The following SYNPR variants were observed in gnomAD, a reference collection of about 807,000 sequenced individuals.
The protein encoded by SYNPR is synaptoporin.
Under a neutral mutation model 32.9 loss-of-function variants are expected in SYNPR, and 23 were observed. The observed-to-expected ratio is 0.70, with a 90% CI of 0.50 to 0.99. The LOEUF (loss-of-function observed/expected upper bound fraction) is 0.99. SYNPR is among the 50% of genes least tolerant of loss of function. The pLI is 0.00. For synonymous variants in SYNPR, 146 were observed against 135.9 expected (o/e 1.07, Z -0.52); for missense variants, 318 against 349.3 (o/e 0.91, Z 0.71).
chr3:63,502,458 T>C (rs1374041278), intron 3 of SYNPR, among the ~76,000 whole-genome samples: 1 of 152,146 alleles, frequency 6.6e-6, no homozygotes, highest in African/African-American at 2.4e-5. Context: ...GTTCTACGGG[T>C]TTGAGTAAAT....
intron 2 of SYNPR, among the ~76,000 whole-genome samples, chr3:63,402,941 T>C (rs1232562057): frequency 6.6e-6 from 1 of 152,084 alleles, no homozygotes; most frequent in East Asian, 1.9e-4. Flanking sequence ...CTAGAGAAAA[T>C]GTCCTGGAAC....
intron 2 of SYNPR, among the ~76,000 whole-genome samples, chr3:63,465,210 A>G (rs1700653862): frequency 6.6e-6 from 1 of 152,176 alleles, no homozygotes; most frequent in African/African-American, 2.4e-5. Flanking sequence ...TCATTAAAAT[A>G]TAATGAGAAA....
chr3:63,256,384 G>T (rs146725996), intron 2 of SYNPR, among the ~76,000 whole-genome samples: 2,465 of 152,238 alleles, frequency 0.016, 44 homozygotes, highest in African/African-American at 0.046. Flanking sequence ...CCAGAGGAAG[G>T]ATCAGGCAGC....
chr3:63,362,610 G>C (rs1371917124), intron 2 of SYNPR, among the ~76,000 whole-genome samples: 2 of 152,142 alleles, frequency 1.3e-5, no homozygotes, highest in Non-Finnish European at 2.9e-5. Context: ...GACTAACACT[G>C]AATAATTATA....
intron 2 of SYNPR, among the ~76,000 whole-genome samples, chr3:63,382,965 A>G (rs2107071443): frequency 6.7e-6 from 1 of 148,208 alleles, no homozygotes; most frequent in East Asian, 1.9e-4. Context: ...CTCTGTTACT[A>G]CAATCTGCTC....
rs78591949 is a variant in SYNPR, at chr3:63,572,741, G to A, written c.408+16000G>A. Among the ~76,000 whole-genome samples, 748 of 152,254 alleles carry A rather than the reference G, an allele frequency of 4.9e-3. 31 individuals carry two copies. In the East Asian group the frequency reaches 0.085, roughly 17 times the overall value. On this transcript the variant is annotated intron_variant, in intron 4 of 5. Transcript: ENST00000478300. ...TATTAAATCAACCGAAGTCAAAGCCGATTTCACTCCAGGAACTGTATGCAT... is the reference window on the plus strand; with the variant it reads ...TATTAAATCAACCGAAGTCAAAGCCAATTTCACTCCAGGAACTGTATGCAT...
At chr3:63,509,433 A>G (rs1701654206) in intron 3 of SYNPR, among the ~76,000 whole-genome samples, 1 of 151,952 alleles carries the variant, frequency 6.6e-6, no homozygotes, top group South Asian at 2.1e-4. Context: ...TTTCTAAGGA[A>G]GTTCTAATAT....
intron 4 of SYNPR, among the ~76,000 whole-genome samples, chr3:63,586,154 C>T (rs1703180493): frequency 6.6e-6 from 1 of 151,952 alleles, no homozygotes; most frequent in South Asian, 2.1e-4. Context: ...CTGTTGCAGG[C>T]TGACAGATGG....
chr3:63,256,102 T>G (rs2086380243), intron 2 of SYNPR, among the ~76,000 whole-genome samples: 1 of 152,040 alleles, frequency 6.6e-6, no homozygotes, highest in African/African-American at 2.4e-5. Context: ...CCACCGCAGC[T>G]CAAGGAAGCC....
intron 2 of SYNPR, among the ~76,000 whole-genome samples, chr3:63,432,606 C>G (rs1021098393): frequency 1.3e-5 from 2 of 152,208 alleles, no homozygotes; most frequent in African/African-American, 4.8e-5. Context: ...TTAGCCCCTC[C>G]TCTTGTTCTG....
chr3:63,432,952 C>T (rs1170976046), intron 2 of SYNPR, among the ~76,000 whole-genome samples: 4 of 152,190 alleles, frequency 2.6e-5, no homozygotes, highest in Non-Finnish European at 5.9e-5. Flanking sequence ...CTCTACCCTC[C>T]TGGCTTCTGA....
chr3:63,520,343 T>C (rs1275249578), intron 3 of SYNPR, among the ~76,000 whole-genome samples: 2 of 152,136 alleles, frequency 1.3e-5, no homozygotes, highest in Non-Finnish European at 2.9e-5. Context: ...GTATAACTTA[T>C]ACCCCAGCAG....
At chr3:63,261,010 A>T (rs1420405080) in intron 2 of SYNPR, among the ~76,000 whole-genome samples, 2 of 152,234 alleles carry the variant, frequency 1.3e-5, no homozygotes, top group Non-Finnish European at 1.5e-5. Flanking sequence ...TCAAAACCAC[A>T]ATGAGATACC....
intron 2 of SYNPR, among the ~76,000 whole-genome samples, chr3:63,418,774 G>C (rs1044768620): frequency 6.6e-6 from 1 of 152,094 alleles, no homozygotes; most frequent in Non-Finnish European, 1.5e-5. Context: ...CTCCTCCCAT[G>C]ATTCAATTAC....
intron 2 of SYNPR, among the ~76,000 whole-genome samples, chr3:63,298,173 T>A (rs920507094): frequency 2.0e-5 from 3 of 152,170 alleles, no homozygotes; most frequent in Non-Finnish European, 4.4e-5. Context: ...TAAACTAAAT[T>A]CCTCCAATTG....
chr3:63,605,138 T>C (rs1876092), intron 4 of SYNPR, among the ~76,000 whole-genome samples: 104,375 of 152,064 alleles, frequency 0.69, 37,056 homozygotes, highest in African/African-American at 0.88. Flanking sequence ...GCAAATAAAC[T>C]GTTCCAAATT....
chr3:63,249,156 T>C (rs924883675), intron 1 of SYNPR, among the ~76,000 whole-genome samples: 2 of 152,126 alleles, frequency 1.3e-5, no homozygotes, highest in Admixed American at 6.6e-5. Flanking sequence ...TCAGGGAATG[T>C]AAGACGCAAA....
chr3:63,374,679 T>G lies in SYNPR; in HGVS notation c.84+95937T>G, dbSNP rs558124384. ...TCTTCAAATCTTTCAGGGTTTCCAGTTACATACATATGATATTTTGGATAT... is the reference window on the plus strand; with the variant it reads ...TCTTCAAATCTTTCAGGGTTTCCAGGTACATACATATGATATTTTGGATAT... On this transcript the variant is annotated intron_variant, in intron 2 of 5. Coordinates refer to ENST00000478300, the MANE Select transcript of SYNPR (RefSeq NM_001130003.2). Among the ~76,000 whole-genome samples, 95 of 152,364 alleles carry G rather than the reference T, an allele frequency of 6.2e-4. 1 individual carries two copies. The highest frequency in any genetic ancestry group is 2.1e-3 in the African/African-American group (88 of 41,582).
intron 3 of SYNPR, among the ~76,000 whole-genome samples, chr3:63,528,103 A>G (rs1384895179): frequency 6.6e-6 from 1 of 152,218 alleles, no homozygotes; most frequent in Non-Finnish European, 1.5e-5. Context: ...TACAGGAGAT[A>G]AATGACCTCT....
Sources: gnomAD v4.1 joint callset for allele counts (sites outside exome capture counted in the v4.1 genomes callset) on GRCh38, gnomAD v4.1.1 for gene constraint, MANE v1.5 for transcripts, NCBI Gene and HGNC (gene_info 2026-07-23, HGNC 2026-07-21) for gene names.